GRM8: variants seen among roughly 807,000 people sequenced by gnomAD.
GRM8 encodes metabotropic glutamate receptor 8.
In GRM8, 47 loss-of-function variants were observed where a neutral mutation model predicts 87.2. That is an observed-to-expected ratio of 0.54 (90% CI 0.43 to 0.69). The LOEUF is 0.69. Among genes scored for constraint, GRM8 ranks in the 30% least tolerant of loss-of-function variants. The pLI is 0.00. For synonymous variants in GRM8, 396 were observed against 404.5 expected (o/e 0.98, Z 0.25); for missense variants, 1,019 against 1,139.2 (o/e 0.89, Z 1.52).
At chr7:126,705,454 C>A (rs1166619590) in intron 7 of GRM8, among the ~76,000 whole-genome samples, 1 of 152,062 alleles carries the variant, frequency 6.6e-6, no homozygotes, top group African/African-American at 2.4e-5. Context: ...AACATTTTAT[C>A]TCCACTTAAA....
At position 127,243,119 on chromosome 7, in the gene GRM8, T is replaced by C. The variant is rs776615160; in HGVS notation, c.86A>G (p.Gln29Arg). 3.1e-6 allele frequency: 5 copies of C among 1,613,996 alleles called. No individual in the cohort carries two copies. Among genetic ancestry groups the C allele is most frequent in the Non-Finnish European group, 8.5e-7 (1 of 1,179,952 alleles). Residue 29 changes from glutamine (Q) to arginine (R), a missense_variant, in exon 2 of 11, where the codon CAA becomes CGA. Transcript: ENST00000339582. Reference sequence around the variant, plus strand: ...GGCATACTCCTGGCTGTGAGTTCTTTGCATCATTGTGAGGATCCAGTAGAA... The same window carrying C: ...GGCATACTCCTGGCTGTGAGTTCTTCGCATCATTGTGAGGATCCAGTAGAA... ...AKFYWILTMM[Q>R]RTHSQEYAHS...
chr7:126,617,225 C>A (rs949610581), intron 7 of GRM8, among the ~76,000 whole-genome samples: 1 of 152,056 alleles, frequency 6.6e-6, no homozygotes, highest in African/African-American at 2.4e-5. Context: ...GTTCAACATA[C>A]GAAAATCAAT....
At chr7:126,672,089 C>G (rs1178138115) in intron 7 of GRM8, among the ~76,000 whole-genome samples, 1 of 152,194 alleles carries the variant, frequency 6.6e-6, no homozygotes, top group African/African-American at 2.4e-5. Context: ...AAACCAACCC[C>G]AAGCTTTCAT....
intron 2 of GRM8, among the ~76,000 whole-genome samples, chr7:127,120,513 G>T (rs1026782139): frequency 2.0e-5 from 3 of 152,146 alleles, no homozygotes; most frequent in Non-Finnish European, 2.9e-5. Flanking sequence ...CAGACCTACT[G>T]AATGAGACTT....
intron 6 of GRM8, among the ~76,000 whole-genome samples, chr7:126,827,701 A>G (rs573853677): frequency 5.9e-5 from 9 of 152,222 alleles, no homozygotes; most frequent in East Asian, 1.9e-4. Flanking sequence ...AATACCCTTT[A>G]TTTCCTTCTC....
At chr7:126,514,497 A>T (rs1721711671) in intron 9 of GRM8, among the ~76,000 whole-genome samples, 1 of 152,138 alleles carries the variant, frequency 6.6e-6, no homozygotes, top group Admixed American at 6.6e-5. Flanking sequence ...ATCTTTGTAT[A>T]ACTGTGGTCA....
At chr7:127,044,410 A>C (rs1045557690) in intron 3 of GRM8, among the ~76,000 whole-genome samples, 2 of 152,172 alleles carry the variant, frequency 1.3e-5, no homozygotes, top group Admixed American at 1.3e-4. Context: ...AGATGCATCT[A>C]CTTTTCCACA....
intron 2 of GRM8, among the ~76,000 whole-genome samples, chr7:127,126,989 T>C (rs552188749): frequency 1.3e-5 from 2 of 152,118 alleles, no homozygotes; most frequent in East Asian, 3.9e-4. Context: ...ATCATATTAC[T>C]CTTCAGGGAA....
At chr7:127,175,072 C>T (rs952502699) in intron 2 of GRM8, among the ~76,000 whole-genome samples, 9 of 152,066 alleles carry the variant, frequency 5.9e-5, no homozygotes, top group Admixed American at 3.3e-4. Context: ...GAAAGTTTTC[C>T]TTGACTCCAT....
intron 9 of GRM8, among the ~76,000 whole-genome samples, chr7:126,461,624 A>C (rs1803908666): frequency 6.6e-6 from 1 of 151,538 alleles, no homozygotes; most frequent in Admixed American, 6.6e-5. Context: ...TCAACTCTAC[A>C]TCCTCTTTCT....
At chr7:126,536,653 T>C (rs1313924491) in intron 8 of GRM8, among the ~76,000 whole-genome samples, 1 of 151,826 alleles carries the variant, frequency 6.6e-6, no homozygotes, top group Admixed American at 6.6e-5. Context: ...TCAAAAATAC[T>C]GAGAAAAAAA....
intron 8 of GRM8, among the ~76,000 whole-genome samples, chr7:126,551,330 C>CACT (rs140930025): frequency 0.023 from 3,542 of 152,242 alleles, 61 homozygotes; most frequent in Non-Finnish European, 0.039. Context: ...GAGATCTGAA[C>CACT]ACTATCACTA....
chr7:126,966,594 T>C (rs1476667581), intron 3 of GRM8, among the ~76,000 whole-genome samples: 1 of 152,218 alleles, frequency 6.6e-6, no homozygotes, highest in African/African-American at 2.4e-5. Context: ...GTGATATATG[T>C]ATAATGATTT....
At chr7:127,010,097 C>A (rs1814734123) in intron 3 of GRM8, among the ~76,000 whole-genome samples, 1 of 152,152 alleles carries the variant, frequency 6.6e-6, no homozygotes, top group African/African-American at 2.4e-5. Flanking sequence ...ACTGCCTCAG[C>A]CTCCCAAAGT....
At chr7:126,652,113 C>T (rs962483194) in intron 7 of GRM8, among the ~76,000 whole-genome samples, 19 of 152,324 alleles carry the variant, frequency 1.2e-4, no homozygotes, top group African/African-American at 4.1e-4. Context: ...TGTATGTATA[C>T]ACCTGTACTA....
At chr7:126,551,945 A>T (rs1792633153) in intron 8 of GRM8, among the ~76,000 whole-genome samples, 1 of 152,054 alleles carries the variant, frequency 6.6e-6, no homozygotes. Context: ...GCCCTCAAAC[A>T]CTCTTTCCCA....
intron 6 of GRM8, among the ~76,000 whole-genome samples, chr7:126,859,857 T>TC (rs1448480986): frequency 6.6e-6 from 1 of 152,084 alleles, no homozygotes; most frequent in Non-Finnish European, 1.5e-5. Flanking sequence ...AATTTGAACT[T>TC]CCCCACTGCC....
intron 7 of GRM8, among the ~76,000 whole-genome samples, chr7:126,762,421 G>A (rs1014313712): frequency 6.6e-6 from 1 of 151,816 alleles, no homozygotes; most frequent in Non-Finnish European, 1.5e-5. Context: ...AAAAAACCTA[G>A]GATCCCAAAT....
chr7:126,855,024 G>C (rs1445100809), intron 6 of GRM8, among the ~76,000 whole-genome samples: 1 of 152,118 alleles, frequency 6.6e-6, no homozygotes, highest in Non-Finnish European at 1.5e-5. Flanking sequence ...CAGGGGGAAT[G>C]CTTTCAGTTT....
Sources: allele counts gnomAD v4.1 joint callset (sites outside exome capture counted in the v4.1 genomes callset), GRCh38; gene constraint gnomAD v4.1.1; transcripts MANE v1.5; gene names NCBI Gene and HGNC (gene_info 2026-07-23, HGNC 2026-07-21).